The following RAB40B variants were observed in gnomAD, a reference collection of about 807,000 sequenced individuals.
The protein encoded by RAB40B is ras-related protein Rab-40B.
A neutral mutation model predicts 24.0 loss-of-function variants in RAB40B; 21 were observed. The observed-to-expected ratio is 0.88, with a 90% CI of 0.62 to 1.26. The LOEUF is 1.26. RAB40B is among the 50% of genes most tolerant of loss of function. The probability of loss-of-function intolerance (pLI) is 0.00; values close to 1 mark genes in which losing one functional copy is unlikely to be tolerated. For synonymous variants in RAB40B, 167 were observed against 169.8 expected (o/e 0.98, Z 0.13); for missense variants, 348 against 390.5 (o/e 0.89, Z 0.92).
At chr17:82,658,857 C>T (rs984642243) in intron 4 of RAB40B, 144 bp from the exon 5 acceptor site, 24 of 703,190 alleles carry the variant, frequency 3.4e-5, no homozygotes, top group Non-Finnish European at 5.7e-5. Flanking sequence ...TTGGAAAGAC[C>T]GTCTTTGCAG....
intron 1 of RAB40B, among the ~76,000 whole-genome samples, chr17:82,684,474 C>T (rs192897610): frequency 3.3e-5 from 5 of 152,268 alleles, no homozygotes; most frequent in South Asian, 2.1e-4. Flanking sequence ...CGCACAAAAA[C>T]GAGTCATAAA....
At chr17:82,658,457 C>A in intron 5 of RAB40B, 34 bp downstream of exon 5, 2 of 1,605,746 alleles carry the variant, frequency 1.2e-6, no homozygotes, top group Non-Finnish European at 1.7e-6. Flanking sequence ...ATCTGGAGGG[C>A]AGAGGTGGCC....
chr17:82,662,868 C>T, intron 2 of RAB40B: 1 of 962,134 alleles, frequency 1.0e-6, no homozygotes, highest in Non-Finnish European at 1.2e-6. Flanking sequence ...CACGCGCCAG[C>T]CCTGATGCAA....
rs754495699 is a variant in RAB40B, at chr17:82,661,018, G to A, written c.233C>T (p.Thr78Ile). The change falls in exon 3 of 6, where the codon ACC (threonine) becomes ATC (isoleucine). Residue 78 changes from threonine (T) to isoleucine (I), a missense_variant. Around this residue, in one of 3 missense-constraint regions of RAB40B, gnomAD observed 126 missense variants for 181.0 expected, o/e 0.70. Coordinates refer to ENST00000571995, the MANE Select transcript of RAB40B (RefSeq NM_006822.3). ...GCCCCGGGAGTAGGAGCGGAATATG[G>A]TACAAAATCTTCCCTGGCCTGAAGT... is the stretch of plus-strand genomic sequence containing the variant. Reference protein sequence around the residue: ...WDTSGQGRFCTIFRSYSRGAQ... With the variant: ...WDTSGQGRFCIIFRSYSRGAQ... The A allele has an allele frequency of 1.2e-6, 2 of 1,614,080 alleles. No homozygotes were observed. Among genetic ancestry groups the A allele is most frequent in the South Asian group, 2.2e-5 (2 of 91,080 alleles).
At chr17:82,679,129 T>C in intron 1 of RAB40B, among the ~76,000 whole-genome samples, 1 of 151,400 alleles carries the variant, frequency 6.6e-6, no homozygotes, top group East Asian at 1.9e-4. Flanking sequence ...GTGATCCACC[T>C]GCCTCGGCCT....
At position 82,686,667 on chromosome 17, in the gene RAB40B, G is replaced by A. The variant is rs544329116; in HGVS notation, c.142+11788C>T. On this transcript the variant is annotated intron_variant, in intron 1 of 5. Coordinates refer to ENST00000571995, the MANE Select transcript of RAB40B (RefSeq NM_006822.3). The stretch of plus-strand genomic sequence containing the variant: ...CCCGCTTAGAGCCTGCCAAGGGAGC[G>A]TGGCCCAGGCAACACCTTCATTCTG... Among the ~76,000 whole-genome samples the A allele has an allele frequency of 7.6e-4, 116 of 152,338 alleles. 1 individual carries two copies. The highest frequency in any genetic ancestry group is 2.7e-3 in the African/African-American group (112 of 41,580).
chr17:82,668,176 C>T (rs1467705427), intron 1 of RAB40B: 2 of 154,692 alleles, frequency 1.3e-5, no homozygotes, highest in Non-Finnish European at 2.9e-5. Context: ...CAGGGTAGCT[C>T]TCCGCAGCTG....
intron 1 of RAB40B, among the ~76,000 whole-genome samples, chr17:82,698,110 G>T (rs943346368): frequency 2.6e-5 from 4 of 151,984 alleles, no homozygotes; most frequent in African/African-American, 9.7e-5. Context: ...GTCGGGAGGA[G>T]CCCAGCGCCC....
At chr17:82,659,324 C>G (rs1447294004) in intron 4 of RAB40B, 7 of 498,070 alleles carry the variant, frequency 1.4e-5, no homozygotes, top group East Asian at 3.6e-5. Flanking sequence ...CCTGACCCCA[C>G]GCATAGCCGA....
intron 1 of RAB40B, among the ~76,000 whole-genome samples, chr17:82,696,042 G>A (rs1568048483): frequency 6.6e-6 from 1 of 151,068 alleles, no homozygotes; most frequent in Non-Finnish European, 1.5e-5. Context: ...GCTAATTTTT[G>A]TATTTATAGT....
chr17:82,665,896 A>C (rs4789820), intron 1 of RAB40B, among the ~76,000 whole-genome samples: 40,859 of 148,108 alleles, frequency 0.28, 6,042 homozygotes, highest in African/African-American at 0.39. Context: ...ACAACAAAAA[A>C]AAAAAAAAAA....
In RAB40B at chr17:82,663,414, C is replaced by A. The variant is rs2046201623; in HGVS notation, c.203+1082G>T. Among the ~76,000 whole-genome samples the A allele has an allele frequency of 6.6e-6, 1 of 152,098 alleles. No homozygotes were observed. ...AGGGAGGCAGCCCCAGGATGAGGCACCGCAGGAGCCCCCCATCCCCACCGC... is the reference window on the plus strand; with the variant it reads ...AGGGAGGCAGCCCCAGGATGAGGCAACGCAGGAGCCCCCCATCCCCACCGC... On this transcript the variant is annotated intron_variant, in intron 2 of 5. Coordinates refer to ENST00000571995, the MANE Select transcript of RAB40B (RefSeq NM_006822.3). The surrounding 1 kb of genome is among the most constrained non-coding windows in gnomAD (Gnocchi z 6.2).
chr17:82,670,829 G>A (rs1299192168), intron 1 of RAB40B, among the ~76,000 whole-genome samples: 2 of 151,908 alleles, frequency 1.3e-5, no homozygotes, highest in East Asian at 1.9e-4. Context: ...TACCGCGCCC[G>A]GCTTCCTGAT....
chr17:82,679,039 C>T (rs563402219), intron 1 of RAB40B, among the ~76,000 whole-genome samples: 17 of 151,610 alleles, frequency 1.1e-4, no homozygotes, highest in Admixed American at 3.3e-4. Flanking sequence ...CCTGCCACCA[C>T]GCCTGGCTAA....
Position 82,667,621 on chromosome 17 carries a change from T to G in RAB40B, c.143-3065A>C, listed in dbSNP as rs2143483561. 6.6e-6 allele frequency among the ~76,000 whole-genome samples: 1 copy of G among 152,076 alleles called. No individual in the cohort carries two copies. Among genetic ancestry groups the G allele is most frequent in the African/African-American group, 2.4e-5 (1 of 41,464 alleles). On this transcript the variant is annotated intron_variant, in intron 1 of 5. Transcript: ENST00000571995. The surrounding 1 kb of genome is among the most constrained non-coding windows in gnomAD (Gnocchi z 4.3). ...TCCAGGCTTCCCGCATCCTCCTCTGTCTCCTGCTAAACTCCACACTCTGTC... is the reference window on the plus strand; with the variant it reads ...TCCAGGCTTCCCGCATCCTCCTCTGGCTCCTGCTAAACTCCACACTCTGTC...
chr17:82,663,878 C>T lies in RAB40B; in HGVS notation c.203+618G>A, dbSNP rs2046208512. Among the ~76,000 whole-genome samples, 1 of 152,192 alleles carries T rather than the reference C, an allele frequency of 6.6e-6. No homozygotes were observed. The highest frequency in any genetic ancestry group is 6.5e-5 in the Admixed American group (1 of 15,286). ...CACAGCGCTATGTCCGTTCTGGGGT[C>T]CCCTACTCTGGATGACGGGGGCCCA... On this transcript the variant is annotated intron_variant, in intron 2 of 5. Transcript: ENST00000571995. The surrounding 1 kb of genome is among the most constrained non-coding windows in gnomAD (Gnocchi z 6.2).
Position 82,658,483 on chromosome 17 carries a change from G to A in RAB40B, c.565+8C>T, listed in dbSNP as rs1352226335. ...AGAGGTGGCCCCCGGAATAGCCCCT[G>A]GGCCTACCCTTGCTCGGCCGCCAGA... On this transcript the variant is annotated splice_region_variant and intron_variant, in intron 5 of 5. Transcript: ENST00000571995. 1 of 1,611,208 alleles carries A rather than the reference G, an allele frequency of 6.2e-7. No individual in the cohort carries two copies. Among genetic ancestry groups the A allele is most frequent in the Admixed American group, 1.7e-5 (1 of 60,018 alleles).
At chr17:82,689,550 G>C (rs1162390401) in intron 1 of RAB40B, among the ~76,000 whole-genome samples, 1 of 152,126 alleles carries the variant, frequency 6.6e-6, no homozygotes, top group East Asian at 1.9e-4. Context: ...GGCGAGGTGG[G>C]GCCGAATTGA....
chr17:82,681,725 G>A (rs75721851), intron 1 of RAB40B, among the ~76,000 whole-genome samples: 4,594 of 152,156 alleles, frequency 0.03, 122 homozygotes, highest in East Asian at 0.13. Context: ...AGGTTGGTTC[G>A]ACCTTTGAAA....
Sources: allele counts gnomAD v4.1 joint callset (sites outside exome capture counted in the v4.1 genomes callset), GRCh38; gene constraint gnomAD v4.1.1; regional missense constraint gnomAD v4.1.1; non-coding constraint Gnocchi (gnomAD v3.1); transcripts MANE v1.5; gene names NCBI Gene and HGNC (gene_info 2026-07-23, HGNC 2026-07-21).